The following ALG14 variants were observed in gnomAD, a reference collection of about 807,000 sequenced individuals.
The protein encoded by ALG14 is ALG14 UDP-N-acetylglucosaminyltransferase subunit, also known as UDP-N-acetylglucosamine transferase subunit ALG14.
Under a neutral mutation model 22.8 loss-of-function variants are expected in ALG14, and 17 were observed. The observed-to-expected ratio is 0.75, with a 90% CI of 0.51 to 1.12. The LOEUF (loss-of-function observed/expected upper bound fraction) is 1.12. Ranked by LOEUF, ALG14 falls within the 50% of genes most tolerant of loss-of-function variation. ALG14 has a pLI of 0.00. For missense variants in ALG14, 288 were observed against 271.8 expected (o/e 1.06, Z -0.42); for synonymous variants, 89 against 103.7 (o/e 0.86, Z 0.86).
chr1:95,050,506 C>A (rs183287530), intron 2 of ALG14, among the ~76,000 whole-genome samples: 1 of 152,080 alleles, frequency 6.6e-6, no homozygotes, highest in Non-Finnish European at 1.5e-5. Flanking sequence ...CTTTATAACC[C>A]TCCTTCTATA....
At position 94,982,922 on chromosome 1, in the gene ALG14, T is replaced by C; in HGVS notation, c.*154A>G. 3.1e-6 allele frequency: 2 copies of C among 640,278 alleles called. No homozygotes were observed. The highest frequency in any genetic ancestry group is 5.4e-6 in the Non-Finnish European group (2 of 370,244). The allele number at this position is 640,278 out of a possible 1,614,324, so 39.7% of individuals were successfully genotyped here. ...TTTCATAAGAGAAGCCTCAGTTTCTTCACTGAGTCATCTGTACATTTTTTA... is the reference window on the plus strand; with the variant it reads ...TTTCATAAGAGAAGCCTCAGTTTCTCCACTGAGTCATCTGTACATTTTTTA... On this transcript the variant is annotated 3_prime_UTR_variant, in exon 4 of 4. Transcript: ENST00000370205.
chr1:94,987,611 C>G (rs1672676360), intron 3 of ALG14, among the ~76,000 whole-genome samples: 1 of 152,120 alleles, frequency 6.6e-6, no homozygotes, highest in Non-Finnish European at 1.5e-5. Context: ...CAGGTCAAGT[C>G]CCATTGGCTG....
chr1:95,056,726 A>G (rs191243565), intron 2 of ALG14, among the ~76,000 whole-genome samples: 1 of 151,164 alleles, frequency 6.6e-6, no homozygotes, highest in African/African-American at 2.4e-5. Flanking sequence ...AAGGGAAAAT[A>G]TAAATTTGGA....
At chr1:95,034,523 A>C (rs1674120480) in intron 2 of ALG14, among the ~76,000 whole-genome samples, 1 of 152,194 alleles carries the variant, frequency 6.6e-6, no homozygotes, top group Non-Finnish European at 1.5e-5. Flanking sequence ...TCTTAACCTC[A>C]TGACATCTCA....
chr1:95,064,793 G>A, intron 2 of ALG14, 73 bp downstream of exon 2: 1 of 1,452,412 alleles, frequency 6.9e-7, no homozygotes, highest in South Asian at 1.4e-5. Context: ...GAAGTGCCAT[G>A]AGATTATTAC....
rs1416258058 is a variant in ALG14 at position 94,982,085 on chromosome 1, T to C, written c.*991A>G. The C allele has an allele frequency of 1.3e-5, 2 of 151,068 alleles. No homozygotes were observed. Among genetic ancestry groups the C allele is most frequent in the African/African-American group, 2.4e-5 (1 of 41,080 alleles). The allele number at this position is 151,068 out of a possible 1,614,324, so 9.4% of individuals were successfully genotyped here. A position where few individuals can be genotyped will look rare whatever the true frequency, so the allele number is the denominator to read the frequency against. ...GATCTTGGACAAGTCATCTGTAAAA[T>C]GGGAATAATAACAGTCCCTACATCA... is the stretch of plus-strand genomic sequence containing the variant. On this transcript the variant is annotated 3_prime_UTR_variant, in exon 4 of 4. Coordinates refer to ENST00000370205, the MANE Select transcript of ALG14 (RefSeq NM_144988.4).
chr1:95,032,896 T>C (rs972897452), intron 2 of ALG14, among the ~76,000 whole-genome samples: 3 of 152,198 alleles, frequency 2.0e-5, no homozygotes, highest in Admixed American at 6.5e-5. Flanking sequence ...TACATAGTTT[T>C]AGGAAATAAA....
Position 94,983,118 on chromosome 1 carries a change from T to C in ALG14, c.609A>G (p.Lys203=), listed in dbSNP as rs200959923. 3.5e-5 allele frequency: 57 copies of C among 1,614,196 alleles called. No homozygotes were observed. The East Asian group carries it at 1.1e-3, about 32-fold the overall frequency. The part of the protein sequence containing the change: ...DYFIVQWPAL[K]EKYPKSVYLG... The stretch of plus-strand genomic sequence containing the variant: ...GGTACACCGATTTGGGATACTTTTC[T>C]TTCAGAGCCGGCCACTGAACAATGA... The change falls in exon 4 of 4, where the codon AAA becomes AAG. Residue 203 remains lysine (K), a synonymous_variant. Transcript: ENST00000370205.
rs955716313 is a variant in ALG14, at chr1:94,981,995, T to C, written c.*1081A>G. 4.6e-5 allele frequency: 7 copies of C among 152,206 alleles called. No individual in the cohort carries two copies. The highest frequency in any genetic ancestry group is 1.7e-4 in the African/African-American group (7 of 41,448). The allele number at this position is 152,206 out of a possible 1,614,324, so 9.4% of individuals were successfully genotyped here. On this transcript the variant is annotated 3_prime_UTR_variant, in exon 4 of 4. Coordinates refer to ENST00000370205, the MANE Select transcript of ALG14 (RefSeq NM_144988.4). ...TGCACAGGCCACACACCCGTGAAAC[T>C]GGCCCCACTAAGAAGTCAGGTTTAC...
At chr1:94,992,899 G>A (rs1457267504) in intron 3 of ALG14, among the ~76,000 whole-genome samples, 3 of 151,944 alleles carry the variant, frequency 2.0e-5, no homozygotes, top group African/African-American at 7.3e-5. Flanking sequence ...ACGGTAATGT[G>A]TCAATAAATG....
intron 3 of ALG14, among the ~76,000 whole-genome samples, chr1:95,014,500 G>A (rs1422209678): frequency 6.6e-6 from 1 of 152,044 alleles, no homozygotes; most frequent in Admixed American, 6.6e-5. Context: ...CTCAGACTTG[G>A]GGCCATGGCT....
At chr1:95,047,016 C>T (rs573265481) in intron 2 of ALG14, among the ~76,000 whole-genome samples, 1 of 146,026 alleles carries the variant, frequency 6.8e-6, no homozygotes, top group Non-Finnish European at 1.5e-5. Flanking sequence ...CATAACATAA[C>T]ATAACATAAC....
In ALG14 at chr1:94,982,899, T is replaced by C; in HGVS notation, c.*177A>G. The C allele has an allele frequency of 1.7e-6, 1 of 602,714 alleles. No individual in the cohort carries two copies. The allele number at this position is 602,714 out of a possible 1,614,324, so 37.3% of individuals were successfully genotyped here. A position where few individuals can be genotyped will look rare whatever the true frequency, so the allele number is the denominator to read the frequency against. On this transcript the variant is annotated 3_prime_UTR_variant, in exon 4 of 4. Transcript: ENST00000370205. Reference sequence around the variant, plus strand: ...GTAGTTACGTTTATCAATGTTTGTTTCATAAGAGAAGCCTCAGTTTCTTCA... The same window carrying C: ...GTAGTTACGTTTATCAATGTTTGTTCCATAAGAGAAGCCTCAGTTTCTTCA...
chr1:95,057,055 C>CAAA (rs199574536), intron 2 of ALG14, among the ~76,000 whole-genome samples: 1,434 of 100,578 alleles, frequency 0.014, 30 homozygotes, highest in Non-Finnish European at 0.021. Flanking sequence ...GATTCTGGCT[C>CAAA]AAAAAAAAAA....
At chr1:94,991,918 C>T (rs2100721508) in intron 3 of ALG14, among the ~76,000 whole-genome samples, 1 of 151,830 alleles carries the variant, frequency 6.6e-6, no homozygotes, top group South Asian at 2.1e-4. Flanking sequence ...TTACCCTAGG[C>T]CTACACAGCA....
intron 2 of ALG14, among the ~76,000 whole-genome samples, chr1:95,027,712 C>T (rs1673864613): frequency 6.6e-6 from 1 of 152,182 alleles, no homozygotes; most frequent in Admixed American, 6.5e-5. Flanking sequence ...TTTCGCCTAC[C>T]TGATTGGCAA....
chr1:95,069,619 C>T (rs1675494432), intron 1 of ALG14, among the ~76,000 whole-genome samples: 1 of 152,094 alleles, frequency 6.6e-6, no homozygotes, highest in Non-Finnish European at 1.5e-5. Flanking sequence ...CCTCCTTATA[C>T]CAGAATGTTA....
intron 3 of ALG14, among the ~76,000 whole-genome samples, chr1:95,019,623 A>G (rs10874901): frequency 0.18 from 27,746 of 152,156 alleles, 3,132 homozygotes; most frequent in East Asian, 0.58. Context: ...CGCTTGGCTT[A>G]TATCTGCTGT....
At chr1:95,008,664 G>A (rs965797037) in intron 3 of ALG14, among the ~76,000 whole-genome samples, 1 of 152,068 alleles carries the variant, frequency 6.6e-6, no homozygotes, top group Non-Finnish European at 1.5e-5. Context: ...TTTAAAAATT[G>A]TGGTAAAATA....
Sources: allele counts gnomAD v4.1 joint callset (sites outside exome capture counted in the v4.1 genomes callset), GRCh38; gene constraint gnomAD v4.1.1; transcripts MANE v1.5; gene names NCBI Gene and HGNC (gene_info 2026-07-23, HGNC 2026-07-21).